Variants in EPB41L1 observed in about 807,000 individuals in gnomAD.
EPB41L1 encodes erythrocyte membrane protein band 4.1 like 1.
A neutral mutation model predicts 97.8 loss-of-function variants in EPB41L1; 29 were observed. That is an observed-to-expected ratio of 0.30 (90% CI 0.22 to 0.40). EPB41L1 has a LOEUF of 0.40. Ranked by LOEUF, EPB41L1 falls within the 10% of genes least tolerant of loss-of-function variation. The probability of loss-of-function intolerance (pLI) is 1.00; values close to 1 mark genes in which losing one functional copy is unlikely to be tolerated. For synonymous variants in EPB41L1, 383 were observed against 459.2 expected, an observed-to-expected ratio of 0.83 and a Z score of 2.12; for missense variants, 812 against 1,162.3, an observed-to-expected ratio of 0.70 and a Z score of 4.38.
chr20:36,093,212 G>A lies in EPB41L1; in HGVS notation c.-65+1600G>A, dbSNP rs1225646992. Reference sequence around the variant, plus strand: ...GTGCGTGTGTCTGCGTGTGTCTGTCGGTGAATGTATCTGTGAGAGGGTGTG... The same window carrying A: ...GTGCGTGTGTCTGCGTGTGTCTGTCAGTGAATGTATCTGTGAGAGGGTGTG... On this transcript the variant is annotated intron_variant, in intron 1 of 19. Transcript: ENST00000202028. This position sits in a 1 kb window ranked among gnomAD's most constrained non-coding sequence, Gnocchi z 5.4. Among the ~76,000 whole-genome samples, 1 of 152,000 alleles carries A rather than the reference G, an allele frequency of 6.6e-6. No individual in the cohort carries two copies. Among genetic ancestry groups the A allele is most frequent in the South Asian group, 2.1e-4 (1 of 4,824 alleles).
At chr20:36,221,777 C>A in intron 19 of EPB41L1, 87 bp from the exon 20 acceptor site, 1 of 1,145,948 alleles carries the variant, frequency 8.7e-7, no homozygotes, top group Non-Finnish European at 1.3e-6. Flanking sequence ...CAGCCCTGCC[C>A]TCGAGAGATG....
chr20:36,125,433 G>A (rs1229356406), intron 2 of EPB41L1: 12 of 802,002 alleles, frequency 1.5e-5, no homozygotes, highest in African/African-American at 5.1e-5. Flanking sequence ...GCTGCTGTTC[G>A]TACCTGCCTC....
chr20:36,120,949 T>A (rs571401741), intron 2 of EPB41L1, among the ~76,000 whole-genome samples: 1 of 152,014 alleles, frequency 6.6e-6, no homozygotes, highest in East Asian at 1.9e-4. Flanking sequence ...AATGTCCCTA[T>A]AAAAGATCCC....
intron 5 of EPB41L1, 120 bp from the exon 6 acceptor site, chr20:36,182,152 A>G (rs2061496216): frequency 1.1e-6 from 1 of 870,306 alleles, no homozygotes; most frequent in East Asian, 2.5e-5. Flanking sequence ...AGCCTTCCTG[A>G]TTGGATTGTC....
intron 1 of EPB41L1, among the ~76,000 whole-genome samples, chr20:36,108,942 G>A (rs924028343): frequency 3.3e-5 from 5 of 151,734 alleles, no homozygotes; most frequent in Non-Finnish European, 7.4e-5. Context: ...ATGAGTTCAG[G>A]GCTTCTTTTT....
In EPB41L1 at chr20:36,229,949, A is replaced by C. The variant is rs1328037225; in HGVS notation, c.*609A>C. The C allele has an allele frequency of 2.0e-5, 3 of 152,578 alleles. No individual in the cohort carries two copies. The highest frequency in any genetic ancestry group is 2.0e-4 in the Admixed American group (3 of 15,278). 9.5% of individuals were successfully genotyped at this position (152,578 alleles called of 1,614,324 possible). Reference sequence around the variant, plus strand: ...TGGAAAGAAAGAGGAGGAACACTGGATTCTTACTTTCTGGATCTTGACACT... The same window carrying C: ...TGGAAAGAAAGAGGAGGAACACTGGCTTCTTACTTTCTGGATCTTGACACT... On this transcript the variant is annotated 3_prime_UTR_variant, in exon 22 of 22. Coordinates refer to ENST00000338074, the MANE Select transcript of EPB41L1 (RefSeq NM_012156.2).
intron 14 of EPB41L1, among the ~76,000 whole-genome samples, chr20:36,203,212 A>G (rs1008981109): frequency 2.6e-5 from 4 of 151,924 alleles, no homozygotes; most frequent in African/African-American, 7.3e-5. Context: ...TTTTTTGTTC[A>G]GTTTTCTTTT....
chr20:36,118,153 G>C (rs2058643871), intron 2 of EPB41L1, among the ~76,000 whole-genome samples: 1 of 152,162 alleles, frequency 6.6e-6, no homozygotes, highest in Non-Finnish European at 1.5e-5. Context: ...GCTTGGACTG[G>C]ACTAATACGA....
At chr20:36,136,095 G>A (rs955562665) in intron 2 of EPB41L1, among the ~76,000 whole-genome samples, 2 of 151,958 alleles carry the variant, frequency 1.3e-5, no homozygotes, top group Non-Finnish European at 2.9e-5. Flanking sequence ...TTACTTTCTT[G>A]TTTGGTTTTC....
intron 11 of EPB41L1, 124 bp from the exon 12 acceptor site, chr20:36,194,088 A>G: frequency 2.3e-6 from 3 of 1,297,040 alleles, no homozygotes; most frequent in East Asian, 2.4e-5. Context: ...CCTCTGGGCA[A>G]TGGGTGAGGG....
chr20:36,098,309 A>G (rs77081731), intron 1 of EPB41L1, among the ~76,000 whole-genome samples: 3,097 of 152,240 alleles, frequency 0.02, 116 homozygotes, highest in African/African-American at 0.071. Context: ...AAGGATGCAC[A>G]GTGTATTAAC....
rs145351076 is a variant in EPB41L1 at position 36,221,729 on chromosome 20, A to C, written c.2440-135A>C. ...AAAGTCCAAAATCAGAAAAGAAAAA[A>C]TCTGAGGAAGTCAGGAGAGAAGGTA... On this transcript the variant is annotated intron_variant, in intron 19 of 21. Transcript: ENST00000338074. 9.4e-5 allele frequency: 74 copies of C among 784,224 alleles called. No homozygotes were observed. In the East Asian group the frequency reaches 1.9e-3, roughly 20 times the overall value. The allele number at this position is 784,224 out of a possible 1,614,324, so 48.6% of individuals were successfully genotyped here.
intron 11 of EPB41L1, among the ~76,000 whole-genome samples, chr20:36,192,531 C>CA (rs57675036): frequency 0.065 from 2,818 of 43,342 alleles, 111 homozygotes; most frequent in East Asian, 0.3. Context: ...GACTCCGTCT[C>CA]AAAAAAAAAA....
chr20:36,195,216 G>T lies in EPB41L1; in HGVS notation c.1450-113G>T. ...CACCCAGCTGCCCTGGCCTCCACTT[G>T]GTCGAGTGTGCGTGCTCTGGGCTCC... is the stretch of plus-strand genomic sequence containing the variant. On this transcript the variant is annotated intron_variant, in intron 12 of 21. Transcript: ENST00000338074. The surrounding 1 kb of genome is among the most constrained non-coding windows in gnomAD (Gnocchi z 4.6). 3 of 1,311,194 alleles carry T rather than the reference G, an allele frequency of 2.3e-6. No homozygotes were observed. Among genetic ancestry groups the T allele is most frequent in the Non-Finnish European group, 3.3e-6 (3 of 916,934 alleles). 81.2% of individuals were successfully genotyped at this position (1,311,194 alleles called of 1,614,324 possible). A position where few individuals can be genotyped will look rare whatever the true frequency, so the allele number is the denominator to read the frequency against.
intron 1 of EPB41L1, chr20:36,155,491 C>T (rs1358372820): frequency 2.3e-6 from 1 of 425,726 alleles, no homozygotes; most frequent in Non-Finnish European, 4.7e-6. Flanking sequence ...GTGTGTCCCA[C>T]TTGTGTCTGG....
At chr20:36,112,761 G>A (rs1294750229) in intron 2 of EPB41L1, among the ~76,000 whole-genome samples, 1 of 152,188 alleles carries the variant, frequency 6.6e-6, no homozygotes, top group African/African-American at 2.4e-5. Context: ...ACCGTGGCTG[G>A]TGAAGGACGG....
chr20:36,219,040 A>C lies in EPB41L1; in HGVS notation c.2355+78A>C, dbSNP rs922915956. 326 of 1,478,326 alleles carry C rather than the reference A, an allele frequency of 2.2e-4. 2 individuals carry two copies. The highest frequency in any genetic ancestry group is 3.0e-4 in the Non-Finnish European group (317 of 1,069,368). The allele number at this position is 1,478,326 out of a possible 1,614,324, so 91.6% of individuals were successfully genotyped here. On this transcript the variant is annotated intron_variant, in intron 18 of 21. Transcript: ENST00000338074. ...CATGGACCCATGTATGGCTGGCAGG[A>C]AGTGCAGCGTTGAGCCCAGAAGGCA... is the stretch of plus-strand genomic sequence containing the variant.
Position 36,106,797 on chromosome 20 carries a change from A to G in EPB41L1, c.-64-5629A>G, listed in dbSNP as rs140810116. On this transcript the variant is annotated intron_variant, in intron 1 of 19. Coordinates refer to the EPB41L1 transcript ENST00000202028. ...GCCATTAGTCACATGTGGCTAGTGG[A>G]CATGTAAAATGTGGCTAGTGCCACC... Among the ~76,000 whole-genome samples, 41 of 152,316 alleles carry G rather than the reference A, an allele frequency of 2.7e-4. No homozygotes were observed. In the East Asian group the frequency reaches 7.7e-3, roughly 29 times the overall value.
chr20:36,099,659 C>T (rs181388265), intron 1 of EPB41L1, among the ~76,000 whole-genome samples: 2 of 152,264 alleles, frequency 1.3e-5, no homozygotes, highest in Admixed American at 6.5e-5. Context: ...TTGGGAGGAC[C>T]TTAGAGATGG....
Sources: allele counts gnomAD v4.1 joint callset (sites outside exome capture counted in the v4.1 genomes callset), GRCh38; gene constraint gnomAD v4.1.1; non-coding constraint Gnocchi (gnomAD v3.1); transcripts MANE v1.5; gene names NCBI Gene and HGNC (gene_info 2026-07-23, HGNC 2026-07-21).